Variants in KCNT1 observed in about 807,000 individuals in gnomAD.
The protein encoded by KCNT1 is potassium channel subfamily T member 1.
In KCNT1, 78 loss-of-function variants were observed where a neutral mutation model predicts 147.8. That is an observed-to-expected ratio of 0.53 (90% CI 0.44 to 0.64). The LOEUF (loss-of-function observed/expected upper bound fraction) is 0.64, where lower values mean the gene tolerates loss of function less well. Among genes scored for constraint, KCNT1 ranks in the 30% least tolerant of loss-of-function variants. The probability of loss-of-function intolerance (pLI) is 0.00; values close to 1 mark genes in which losing one functional copy is unlikely to be tolerated. For synonymous variants in KCNT1, 867 were observed against 748.8 expected, an observed-to-expected ratio of 1.16 and a Z score of -2.58; for missense variants, 1,419 against 1,750.3, an observed-to-expected ratio of 0.81 and a Z score of 3.38.
chr9:135,740,984 G>C (rs972779628), intron 2 of KCNT1, among the ~76,000 whole-genome samples: 1 of 147,312 alleles, frequency 6.8e-6, no homozygotes, highest in Non-Finnish European at 1.5e-5. Flanking sequence ...CAGAGCTCCA[G>C]TCCTCAGCCA....
chr9:135,720,644 G>A (rs1014733632), intron 2 of KCNT1, among the ~76,000 whole-genome samples: 3 of 152,160 alleles, frequency 2.0e-5, no homozygotes, highest in Non-Finnish European at 4.4e-5. Context: ...GGGGCTGGGG[G>A]CGGGGGTCCT....
Position 135,778,713 on chromosome 9 carries a change from A to G in KCNT1, c.2620A>G (p.Ile874Val), listed in dbSNP as rs768378336. 3.7e-6 allele frequency: 6 copies of G among 1,613,028 alleles called. No individual in the cohort carries two copies. Among genetic ancestry groups the G allele is most frequent in the Non-Finnish European group, 5.1e-6 (6 of 1,179,770 alleles). The change falls in exon 23 of 31, where the codon ATC becomes GTC. Residue 874 changes from isoleucine to valine, a missense_variant. Ile to Val is a conservative substitution (Grantham distance 29). This residue lies in a region of KCNT1 where 247 missense variants were observed against 397.1 expected (regional missense o/e 0.62). Transcript: ENST00000371757. ...CCTGGACAGCCTGCTGCAGTGTGGC[A>G]TCATCTATGCGGACAACCTGGTGGT... ...DNLDSLLQCG[I>V]IYADNLVVVD... is the part of the protein sequence containing the mutation.
intron 2 of KCNT1, among the ~76,000 whole-genome samples, chr9:135,718,136 T>G (rs1835790360): frequency 6.6e-6 from 1 of 152,196 alleles, no homozygotes; most frequent in Non-Finnish European, 1.5e-5. Context: ...TATCTGCCAT[T>G]AGAAGCCATC....
At chr9:135,731,970 A>ATATATATATATATG (rs1836462168) in intron 2 of KCNT1, among the ~76,000 whole-genome samples, 14 of 26,828 alleles carry the variant, frequency 5.2e-4, no homozygotes, top group South Asian at 2.3e-3. Flanking sequence ...GTATATATAT[A>ATATATATATATATG]TATATATATA....
Position 135,765,022 on chromosome 9 carries a change from C to T in KCNT1, c.1036-9C>T, listed in dbSNP as rs769021580. 4 of 1,602,506 alleles carry T rather than the reference C, an allele frequency of 2.5e-6. No individual in the cohort carries two copies. Among genetic ancestry groups the T allele is most frequent in the African/African-American group, 1.3e-5 (1 of 74,846 alleles). On this transcript the variant is annotated splice_polypyrimidine_tract_variant and intron_variant, in intron 11 of 30. Transcript: ENST00000371757. ...TGGTCGCTGGTGCTCACCTGTTTCTCACCTGCAGTTCGAGGAGCTCGTCTA... is the reference window on the plus strand; with the variant it reads ...TGGTCGCTGGTGCTCACCTGTTTCTTACCTGCAGTTCGAGGAGCTCGTCTA...
intron 2 of KCNT1, among the ~76,000 whole-genome samples, chr9:135,739,770 C>T (rs570679887): frequency 2.0e-5 from 3 of 152,334 alleles, no homozygotes; most frequent in Admixed American, 6.5e-5. Context: ...CAGTGCTCTG[C>T]GCTCTTTCTC....
chr9:135,727,423 C>CTGCCCCCTTT (rs1836261583), intron 2 of KCNT1, among the ~76,000 whole-genome samples: 1 of 124,452 alleles, frequency 8.0e-6, no homozygotes, highest in Admixed American at 8.3e-5. Flanking sequence ...CTTTTCCCTT[C>CTGCCCCCTTT]TCTCCCCCCT....
intron 2 of KCNT1, among the ~76,000 whole-genome samples, chr9:135,720,218 A>G (rs1044615095): frequency 1.3e-5 from 2 of 151,868 alleles, no homozygotes; most frequent in Admixed American, 6.6e-5. Flanking sequence ...CAGTGAATCC[A>G]GCTGCCCCGC....
At chr9:135,712,507 C>T (rs932917604) in intron 1 of KCNT1, among the ~76,000 whole-genome samples, 1 of 152,114 alleles carries the variant, frequency 6.6e-6, no homozygotes, top group African/African-American at 2.4e-5. Context: ...GTTCCAGTTC[C>T]ACCTGAACCA....
chr9:135,712,797 G>C (rs1009732622), intron 1 of KCNT1, among the ~76,000 whole-genome samples: 1 of 152,214 alleles, frequency 6.6e-6, no homozygotes, highest in Non-Finnish European at 1.5e-5. Flanking sequence ...TGGCTCTGTG[G>C]GGGGAACAAG....
intron 22 of KCNT1, 85 bp downstream of exon 22, chr9:135,778,580 A>G (rs1833352205): frequency 6.3e-7 from 1 of 1,598,466 alleles, no homozygotes; most frequent in Admixed American, 1.7e-5. Context: ...CCCCGACCGC[A>G]GGTGGGGTGG....
At chr9:135,739,231 G>A (rs555973110) in intron 2 of KCNT1, among the ~76,000 whole-genome samples, 31 of 151,996 alleles carry the variant, frequency 2.0e-4, no homozygotes, top group Non-Finnish European at 3.5e-4. Context: ...GAGGGAGGTG[G>A]GGCACCTCTC....
intron 13 of KCNT1, among the ~76,000 whole-genome samples, chr9:135,767,372 G>A (rs2131487571): frequency 6.6e-6 from 1 of 152,262 alleles, no homozygotes; most frequent in Middle Eastern, 3.4e-3. Flanking sequence ...AGTGGTGCCA[G>A]TGATGTGGTG....
intron 2 of KCNT1, among the ~76,000 whole-genome samples, chr9:135,737,431 C>T (rs1830389086): frequency 6.6e-6 from 1 of 152,164 alleles, no homozygotes; most frequent in Non-Finnish European, 1.5e-5. Flanking sequence ...CAGCAAATTC[C>T]TAGCCAGCAC....
In KCNT1 at chr9:135,775,297, T is replaced by A. The variant is rs1410231688; in HGVS notation, c.2244-13T>A. On this transcript the variant is annotated splice_polypyrimidine_tract_variant and intron_variant, in intron 19 of 30. Transcript: ENST00000371757. ...TGTGCAGCTGTGCTGAGGGCTCCTGTCTCCTGCCCCAGGTATGTGAAGGGC... is the reference window on the plus strand; with the variant it reads ...TGTGCAGCTGTGCTGAGGGCTCCTGACTCCTGCCCCAGGTATGTGAAGGGC... 6.3e-7 allele frequency: 1 copy of A among 1,596,944 alleles called. No homozygotes were observed. The highest frequency in any genetic ancestry group is 8.5e-7 in the Non-Finnish European group (1 of 1,169,938).
intron 1 of KCNT1, among the ~76,000 whole-genome samples, chr9:135,706,199 C>T (rs1232464717): frequency 6.6e-6 from 1 of 152,210 alleles, no homozygotes; most frequent in Non-Finnish European, 1.5e-5. Context: ...TGAGCCCATG[C>T]TGACAGCACA....
Position 135,714,684 on chromosome 9 carries a change from T to C in KCNT1, c.218T>C (p.Leu73Pro), listed in dbSNP as rs748537758. The C allele has an allele frequency of 4.7e-5, 70 of 1,475,712 alleles. No homozygotes were observed. Among genetic ancestry groups the C allele is most frequent in the Non-Finnish European group, 6.3e-5 (70 of 1,103,162 alleles). 91.4% of individuals were successfully genotyped at this position (1,475,712 alleles called of 1,614,324 possible). ...PLPPRYRFRD[L>P]LLGDPSFQND... is the part of the protein sequence containing the mutation. ...CCGCCGCGCTACCGCTTCCGGGACC[T>C]GCTGCTGGGCGACCCGTCCTTCCAG... The change falls in exon 2 of 31, where the codon CTG (leucine) becomes CCG (proline). Residue 73 changes from leucine to proline, a missense_variant. Transcript: ENST00000371757. This position sits in a 1 kb window ranked among gnomAD's most constrained non-coding sequence, Gnocchi z 6.2.
intron 12 of KCNT1, 47 bp from the exon 13 acceptor site, chr9:135,765,577 G>T: frequency 6.3e-7 from 1 of 1,575,288 alleles, no homozygotes; most frequent in East Asian, 2.3e-5. Flanking sequence ...CCGCCCGGGC[G>T]GGGCAGGGGC....
rs1316682933 is a variant in KCNT1, at chr9:135,786,393, G to A, written c.3374G>A (p.Gly1125Asp). The change falls in exon 29 of 31, where the codon GGC (glycine) becomes GAC (aspartate). Residue 1125 changes from glycine (G) to aspartate (D), a missense_variant. Gly to Asp is a moderately conservative substitution (Grantham distance 94). Transcript: ENST00000371757. The stretch of plus-strand genomic sequence containing the variant: ...AGCCGCAAGGCGCCCAAGCAGGCAG[G>A]CCGGGCGGCGGCCGCGGAGTGGATC... The part of the protein sequence containing the change: ...RLSRKAPKQA[G>D]RAAAAEWISQ... 1.3e-6 allele frequency: 2 copies of A among 1,574,148 alleles called. No homozygotes were observed. Among genetic ancestry groups the A allele is most frequent in the Non-Finnish European group, 1.7e-6 (2 of 1,160,600 alleles).
Sources: gnomAD v4.1 joint callset for allele counts (sites outside exome capture counted in the v4.1 genomes callset) on GRCh38, gnomAD v4.1.1 for gene constraint, gnomAD v4.1.1 regional missense constraint, Gnocchi (gnomAD v3.1) non-coding constraint, MANE v1.5 for transcripts, NCBI Gene and HGNC (gene_info 2026-07-23, HGNC 2026-07-21) for gene names.